ERC2: variants seen among roughly 807,000 people sequenced by gnomAD.
ERC2 encodes ERC protein 2.
In ERC2, 42 loss-of-function variants were observed where a neutral mutation model predicts 114.8. The ratio of observed to expected loss-of-function variants is 0.37; its 90% CI spans 0.29 to 0.47. The LOEUF (loss-of-function observed/expected upper bound fraction) is 0.47, where lower values mean the gene tolerates loss of function less well. Among genes scored for constraint, ERC2 ranks in the 20% least tolerant of loss-of-function variants. The probability of loss-of-function intolerance (pLI) is 0.99; values close to 1 mark genes in which losing one functional copy is unlikely to be tolerated. For missense variants in ERC2, 939 were observed against 1,150.7 expected (o/e 0.82, Z 2.66); for synonymous variants, 454 against 425.5 (o/e 1.07, Z -0.82).
At chr3:56,087,627 G>C (rs2077572998) in intron 6 of ERC2, among the ~76,000 whole-genome samples, 1 of 151,902 alleles carries the variant, frequency 6.6e-6, no homozygotes, top group African/African-American at 2.4e-5. Context: ...GAGAAAAAGG[G>C]GCCACTTGAA....
At chr3:55,702,476 C>T (rs1238780636) in intron 15 of ERC2, among the ~76,000 whole-genome samples, 1 of 152,152 alleles carries the variant, frequency 6.6e-6, no homozygotes, top group African/African-American at 2.4e-5. Flanking sequence ...GTGTTCTCTC[C>T]TATAAAAACA....
intron 6 of ERC2, among the ~76,000 whole-genome samples, chr3:56,082,537 C>T (rs956522944): frequency 6.6e-6 from 1 of 152,106 alleles, no homozygotes; most frequent in Admixed American, 6.6e-5. Context: ...TCATTAAAGA[C>T]ACCTTAACAC....
chr3:55,652,688 A>C (rs990375768), intron 17 of ERC2, among the ~76,000 whole-genome samples: 31 of 152,214 alleles, frequency 2.0e-4, no homozygotes, highest in African/African-American at 5.5e-4. Flanking sequence ...CCTGGCCAAC[A>C]TAGTGAAACC....
chr3:56,442,137 C>T (rs541667065), intron 1 of ERC2, among the ~76,000 whole-genome samples: 2 of 152,306 alleles, frequency 1.3e-5, no homozygotes, highest in South Asian at 4.1e-4. Context: ...GCCACCATCT[C>T]CTCTTGAGGC....
At chr3:55,927,422 T>C (rs1407562513) in intron 13 of ERC2, among the ~76,000 whole-genome samples, 1 of 152,172 alleles carries the variant, frequency 6.6e-6, no homozygotes. Flanking sequence ...TTGCTTTTTA[T>C]GGCAGGGGGT....
intron 14 of ERC2, among the ~76,000 whole-genome samples, chr3:55,753,169 T>G (rs2066824425): frequency 6.6e-6 from 1 of 152,160 alleles, no homozygotes; most frequent in Admixed American, 6.6e-5. Flanking sequence ...CTGGATGGGC[T>G]GTGATTTCTC....
chr3:56,331,814 C>A (rs1178961746), intron 2 of ERC2, among the ~76,000 whole-genome samples: 1 of 152,178 alleles, frequency 6.6e-6, no homozygotes, highest in Non-Finnish European at 1.5e-5. Context: ...GAAGTTTGGT[C>A]CATGACCTCC....
intron 14 of ERC2, among the ~76,000 whole-genome samples, chr3:55,806,965 T>C (rs1235175376): frequency 6.6e-6 from 1 of 152,192 alleles, no homozygotes; most frequent in East Asian, 1.9e-4. Context: ...ACGTGGAATT[T>C]GGGCATAAAA....
chr3:56,095,031 C>T (rs1228010997), intron 6 of ERC2, among the ~76,000 whole-genome samples: 2 of 152,152 alleles, frequency 1.3e-5, no homozygotes, highest in Non-Finnish European at 2.9e-5. Context: ...GGTGGGAAGA[C>T]TGCTTGAGGC....
intron 7 of ERC2, among the ~76,000 whole-genome samples, chr3:56,052,328 A>G (rs1480735295): frequency 6.6e-6 from 1 of 152,254 alleles, no homozygotes; most frequent in Non-Finnish European, 1.5e-5. Flanking sequence ...TTTTAGAGAC[A>G]TTAAATAGAG....
chr3:55,930,511 C>T lies in ERC2; in HGVS notation c.2403+19914G>A, dbSNP rs559448402. On this transcript the variant is annotated intron_variant, in intron 13 of 17. Transcript: ENST00000288221. ...AAAAACAAGCAATGGGGAAAGGAGT[C>T]CCTATTTAATAAATGGTGTTGGGAA... is the stretch of plus-strand genomic sequence containing the variant. Among the ~76,000 whole-genome samples, 146 of 152,216 alleles carry T rather than the reference C, an allele frequency of 9.6e-4. 1 individual carries two copies. Among genetic ancestry groups the T allele is most frequent in the African/African-American group, 3.3e-3 (138 of 41,540 alleles).
chr3:56,178,291 A>C (rs971096260), intron 3 of ERC2, among the ~76,000 whole-genome samples: 6 of 152,200 alleles, frequency 3.9e-5, no homozygotes, highest in African/African-American at 9.6e-5. Context: ...TAATTATTAC[A>C]TTTATCTGGC....
intron 12 of ERC2, among the ~76,000 whole-genome samples, chr3:55,956,476 G>A (rs1412144872): frequency 6.6e-6 from 1 of 151,808 alleles, no homozygotes; most frequent in African/African-American, 2.4e-5. Context: ...ATACCATTCA[G>A]TACTCCAGCA....
chr3:56,104,327 G>A (rs974209679), intron 6 of ERC2, among the ~76,000 whole-genome samples: 1 of 152,152 alleles, frequency 6.6e-6, no homozygotes, highest in African/African-American at 2.4e-5. Context: ...ACTTTGCTGT[G>A]TACAACAACC....
intron 14 of ERC2, among the ~76,000 whole-genome samples, chr3:55,869,029 A>C (rs376937340): frequency 4.6e-5 from 7 of 152,270 alleles, no homozygotes; most frequent in African/African-American, 1.7e-4. Context: ...TATTATAAAC[A>C]TATAAATTAT....
chr3:56,340,064 CTT>C (rs1324487507), intron 2 of ERC2, among the ~76,000 whole-genome samples: 1 of 152,126 alleles, frequency 6.6e-6, no homozygotes, highest in African/African-American at 2.4e-5. Flanking sequence ...TATTTGTTCT[CTT>C]ATTAATTATA....
intron 14 of ERC2, among the ~76,000 whole-genome samples, chr3:55,789,043 A>G (rs891863208): frequency 6.6e-6 from 1 of 151,578 alleles, no homozygotes; most frequent in African/African-American, 2.4e-5. Context: ...CCTCTCCTTT[A>G]TTGTTTCTTT....
chr3:55,887,766 T>C (rs1413262619), intron 14 of ERC2, among the ~76,000 whole-genome samples: 1 of 152,212 alleles, frequency 6.6e-6, no homozygotes, highest in Non-Finnish European at 1.5e-5. Flanking sequence ...CCCATGTCAT[T>C]GATTAAATCA....
At chr3:55,650,707 T>C (rs2060581214) in intron 17 of ERC2, among the ~76,000 whole-genome samples, 1 of 152,092 alleles carries the variant, frequency 6.6e-6, no homozygotes, top group African/African-American at 2.4e-5. Context: ...ATGAAGAAAT[T>C]CTCTTCCAGA....
Sources: allele counts gnomAD v4.1 joint callset (sites outside exome capture counted in the v4.1 genomes callset), GRCh38; gene constraint gnomAD v4.1.1; transcripts MANE v1.5; gene names NCBI Gene and HGNC (gene_info 2026-07-23, HGNC 2026-07-21).